Variants in KCNB2 observed in about 807,000 individuals in gnomAD.
KCNB2 encodes the protein delayed rectifier potassium channel protein.
A neutral mutation model predicts 61.5 loss-of-function variants in KCNB2; 15 were observed. The observed-to-expected ratio is 0.24, with a 90% CI of 0.16 to 0.38. KCNB2 has a LOEUF of 0.38. Ranked by LOEUF, KCNB2 falls within the 10% of genes least tolerant of loss-of-function variation. KCNB2 has a pLI of 1.00. For synonymous variants in KCNB2, 457 were observed against 446.0 expected (o/e 1.02, Z -0.31); for missense variants, 828 against 1,125.2 (o/e 0.74, Z 3.78).
At chr8:72,700,866 G>A (rs924910314) in intron 2 of KCNB2, among the ~76,000 whole-genome samples, 2 of 152,134 alleles carry the variant, frequency 1.3e-5, no homozygotes, top group Non-Finnish European at 2.9e-5. Flanking sequence ...TAAAGAACAT[G>A]TGGTACATAT....
chr8:72,800,268 G>T (rs1809102892), intron 2 of KCNB2, among the ~76,000 whole-genome samples: 1 of 152,134 alleles, frequency 6.6e-6, no homozygotes. Flanking sequence ...GAAGCATCAT[G>T]TCATTGAATA....
At chr8:72,796,606 G>C (rs1809033684) in intron 2 of KCNB2, among the ~76,000 whole-genome samples, 1 of 150,768 alleles carries the variant, frequency 6.6e-6, no homozygotes, top group East Asian at 2.0e-4. Flanking sequence ...TCATTTTTTT[G>C]AGATAATAAG....
intron 2 of KCNB2, among the ~76,000 whole-genome samples, chr8:72,700,636 G>T (rs1395963911): frequency 1.3e-5 from 2 of 152,138 alleles, no homozygotes; most frequent in African/African-American, 4.8e-5. Context: ...CACTGTTGGA[G>T]AGAATTTAAA....
At chr8:72,559,092 A>G (rs1585750703) in intron 1 of KCNB2, among the ~76,000 whole-genome samples, 1 of 151,788 alleles carries the variant, frequency 6.6e-6, no homozygotes, top group Admixed American at 6.6e-5. Flanking sequence ...AAGTCTTTGT[A>G]TAGTGTTGTG....
rs11990761 is a variant in KCNB2 at position 72,729,400 on chromosome 8, G to A, written c.579+161087G>A. ...TGACTCTTAAATGCAAACTCACAGGGAGGCCAATTTCCTGACCATACACGG... is the reference window on the plus strand; with the variant it reads ...TGACTCTTAAATGCAAACTCACAGGAAGGCCAATTTCCTGACCATACACGG... On this transcript the variant is annotated intron_variant, in intron 2 of 2. Transcript: ENST00000523207. Among the ~76,000 whole-genome samples the A allele has an allele frequency of 3.9e-3, 597 of 152,294 alleles. 4 individuals are homozygous for A. Among genetic ancestry groups the A allele is most frequent in the African/African-American group, 0.014 (567 of 41,572 alleles).
At chr8:72,686,909 T>C (rs1009122263) in intron 2 of KCNB2, among the ~76,000 whole-genome samples, 6 of 152,206 alleles carry the variant, frequency 3.9e-5, no homozygotes, top group African/African-American at 1.4e-4. Flanking sequence ...ACAATGGTCT[T>C]CTTCCAAGCT....
At chr8:72,577,536 T>C (rs914025959) in intron 2 of KCNB2, among the ~76,000 whole-genome samples, 11 of 152,312 alleles carry the variant, frequency 7.2e-5, no homozygotes, top group Admixed American at 1.3e-4. Flanking sequence ...TGAAAATTCA[T>C]AGGAAGTGCT....
At chr8:72,931,307 T>G (rs1585983862) in intron 2 of KCNB2, among the ~76,000 whole-genome samples, 2 of 152,192 alleles carry the variant, frequency 1.3e-5, no homozygotes, top group South Asian at 2.1e-4. Context: ...ATATGAACTT[T>G]AAGGTAGTTT....
chr8:72,755,220 G>A (rs1808268677), intron 2 of KCNB2, among the ~76,000 whole-genome samples: 1 of 152,154 alleles, frequency 6.6e-6, no homozygotes, highest in Admixed American at 6.5e-5. Flanking sequence ...TCACAGCCAA[G>A]AGGCCTAAGG....
intron 2 of KCNB2, among the ~76,000 whole-genome samples, chr8:72,789,225 T>G (rs985257072): frequency 6.6e-6 from 1 of 152,214 alleles, no homozygotes; most frequent in African/African-American, 2.4e-5. Flanking sequence ...ATTCACCATC[T>G]CATCTAATGT....
At chr8:72,538,257 C>T (rs1432226604) in intron 1 of KCNB2, among the ~76,000 whole-genome samples, 2 of 152,098 alleles carry the variant, frequency 1.3e-5, no homozygotes, top group Non-Finnish European at 2.9e-5. Flanking sequence ...ATGAACGATC[C>T]TCAGAACACA....
chr8:72,562,240 A>G (rs1411182712), intron 1 of KCNB2, among the ~76,000 whole-genome samples: 2 of 152,182 alleles, frequency 1.3e-5, no homozygotes, highest in Non-Finnish European at 2.9e-5. Flanking sequence ...TGTCAAGTGT[A>G]TGACATAATG....
At chr8:72,818,952 T>C (rs1809448110) in intron 2 of KCNB2, among the ~76,000 whole-genome samples, 1 of 152,220 alleles carries the variant, frequency 6.6e-6, no homozygotes, top group African/African-American at 2.4e-5. Context: ...TTACCAGTTG[T>C]GTAAAACCAT....
Position 72,936,894 on chromosome 8 carries a change from G to A in KCNB2, c.1539G>A (p.Gln513=), listed in dbSNP as rs553393284. ...ACAAGTCTTTCGAGAATAAGTACCA[G>A]GAGGTTAGCCAAAAAGACTCCCACG... is the stretch of plus-strand genomic sequence containing the variant. ...SSNKSFENKY[Q]EVSQKDSHEQ... The change falls in exon 3 of 3, where the codon CAG becomes CAA. Residue 513 remains glutamine, a synonymous_variant. Transcript: ENST00000523207. The surrounding 1 kb of genome is among the most constrained non-coding windows in gnomAD (Gnocchi z 5.6). 1.9e-6 allele frequency: 3 copies of A among 1,614,148 alleles called. No homozygotes were observed. The highest frequency in any genetic ancestry group is 2.2e-5 in the South Asian group (2 of 91,078).
chr8:72,660,126 A>C (rs928096020), intron 2 of KCNB2, among the ~76,000 whole-genome samples: 4 of 152,210 alleles, frequency 2.6e-5, no homozygotes, highest in Admixed American at 6.5e-5. Flanking sequence ...TAATAGAGGA[A>C]ACATCAAAAT....
intron 2 of KCNB2, among the ~76,000 whole-genome samples, chr8:72,828,887 ATTT>A (rs1809643123): frequency 3.9e-5 from 6 of 151,932 alleles, no homozygotes; most frequent in Admixed American, 2.6e-4. Flanking sequence ...ACCGCCTTGT[ATTT>A]CTGATTCAGC....
chr8:72,754,246 G>A lies in KCNB2; in HGVS notation c.580-181689G>A, dbSNP rs187065388. ...GTTTCTCATTTTCCTATGGAATTTC[G>A]CAGCCTGGAATCAAGGCAGCCCAAA... On this transcript the variant is annotated intron_variant, in intron 2 of 2. Transcript: ENST00000523207. Among the ~76,000 whole-genome samples the A allele has an allele frequency of 2.4e-4, 36 of 152,264 alleles. No individual in the cohort carries two copies. The East Asian group carries it at 5.0e-3, about 21-fold the overall frequency.
intron 2 of KCNB2, among the ~76,000 whole-genome samples, chr8:72,862,362 G>A (rs968153271): frequency 6.6e-6 from 1 of 152,076 alleles, no homozygotes; most frequent in Non-Finnish European, 1.5e-5. Flanking sequence ...AGTCATGAAC[G>A]CACTAGTATT....
intron 2 of KCNB2, among the ~76,000 whole-genome samples, chr8:72,672,869 G>A (rs558051960): frequency 3.3e-5 from 5 of 152,130 alleles, no homozygotes; most frequent in Non-Finnish European, 7.4e-5. Flanking sequence ...ATAATTAGTA[G>A]TAGTATAAAA....
Sources: gnomAD v4.1 joint callset for allele counts (sites outside exome capture counted in the v4.1 genomes callset) on GRCh38, gnomAD v4.1.1 for gene constraint, Gnocchi (gnomAD v3.1) non-coding constraint, MANE v1.5 for transcripts, NCBI Gene and HGNC (gene_info 2026-07-23, HGNC 2026-07-21) for gene names.